Variants in AP3B1 observed in about 807,000 individuals in gnomAD.
The protein encoded by AP3B1 is AP-3 complex subunit beta-1.
In AP3B1, 61 loss-of-function variants were observed where a neutral mutation model predicts 132.5. The observed-to-expected ratio is 0.46, with a 90% CI of 0.37 to 0.57. The LOEUF (loss-of-function observed/expected upper bound fraction) is 0.57, where lower values mean the gene tolerates loss of function less well. Ranked by LOEUF, AP3B1 falls within the 20% of genes least tolerant of loss-of-function variation. AP3B1 has a pLI of 0.00. For missense variants in AP3B1, 1,120 were observed against 1,289.4 expected (o/e 0.87, Z 2.01); for synonymous variants, 388 against 438.3 (o/e 0.89, Z 1.43).
In AP3B1 at chr5:78,015,439, T is replaced by A; in HGVS notation, c.3102A>T (p.Ala1034=). Residue 1034 remains alanine, a synonymous_variant, in exon 26 of 27, where the codon GCA becomes GCT. Coordinates refer to ENST00000255194, the MANE Select transcript of AP3B1 (RefSeq NM_003664.5). ...GTATATTATCCTGGCCAGAAGGGAC[T>A]GCACCTACATTGGCTACATTTACAA... ...QKVVNVANVG[A]VPSGQDNIHR... 6.2e-7 allele frequency: 1 copy of A among 1,613,916 alleles called. No individual in the cohort carries two copies. The highest frequency in any genetic ancestry group is 8.5e-7 in the Non-Finnish European group (1 of 1,179,846).
At chr5:78,012,011 T>C (rs917744847) in intron 26 of AP3B1, among the ~76,000 whole-genome samples, 1 of 152,040 alleles carries the variant, frequency 6.6e-6, no homozygotes, top group African/African-American at 2.4e-5. Context: ...ATACTTGGTG[T>C]TTTTAAAAAT....
intron 3 of AP3B1, among the ~76,000 whole-genome samples, chr5:78,228,586 C>T (rs993269218): frequency 3.3e-5 from 5 of 152,176 alleles, no homozygotes; most frequent in South Asian, 2.1e-4. Context: ...CCAGGCATGG[C>T]GTACATGCTT....
chr5:78,175,670 A>C lies in AP3B1; in HGVS notation c.1123T>G (p.Phe375Val). 6.2e-7 allele frequency: 1 copy of C among 1,613,536 alleles called. No homozygotes were observed. Among genetic ancestry groups the C allele is most frequent in the Non-Finnish European group, 8.5e-7 (1 of 1,179,644 alleles). ...KGMFEPYLKS[F>V]YVRSTDPTMI... is the part of the protein sequence containing the mutation. ...GTTGGATCAGTTGACCTAACATAGA[A>C]ACTCTTCAGATAAGGTTCAAACATC... The change falls in exon 11 of 27, where the codon TTC (phenylalanine) becomes GTC (valine). Residue 375 changes from phenylalanine (F) to valine (V), a missense_variant. Phe to Val is a conservative substitution (Grantham distance 50, BLOSUM62 -1). This residue lies in a region of AP3B1 where 906 missense variants were observed against 997.1 expected (regional missense o/e 0.91). Transcript: ENST00000255194.
chr5:78,145,158 T>C (rs76232347), intron 14 of AP3B1, among the ~76,000 whole-genome samples: 100 of 152,378 alleles, frequency 6.6e-4, no homozygotes, highest in African/African-American at 2.4e-3. Flanking sequence ...AAAATACATT[T>C]AAACTTTAGT....
intron 2 of AP3B1, among the ~76,000 whole-genome samples, chr5:78,252,318 G>A (rs1747672887): frequency 6.6e-6 from 1 of 152,062 alleles, no homozygotes; most frequent in African/African-American, 2.4e-5. Flanking sequence ...AAAGTAAAAG[G>A]GGCTCTGCCT....
At chr5:78,120,137 T>C (rs1752098507) in intron 17 of AP3B1, among the ~76,000 whole-genome samples, 1 of 152,122 alleles carries the variant, frequency 6.6e-6, no homozygotes, top group Non-Finnish European at 1.5e-5. Flanking sequence ...GACAAGCAAA[T>C]GCTGAGAGAG....
At chr5:78,130,228 T>C (rs943001773) in intron 15 of AP3B1, among the ~76,000 whole-genome samples, 1 of 152,038 alleles carries the variant, frequency 6.6e-6, no homozygotes, top group African/African-American at 2.4e-5. Flanking sequence ...ATAAGCCAAA[T>C]AGAATTCATA....
intron 22 of AP3B1, chr5:78,044,284 C>T (rs1748226498): frequency 1.3e-5 from 2 of 152,470 alleles, no homozygotes; most frequent in Admixed American, 1.3e-4. Context: ...TTCTTTTTTG[C>T]CATAAATTCC....
intron 22 of AP3B1, among the ~76,000 whole-genome samples, chr5:78,061,100 G>A (rs188335633): frequency 3.1e-4 from 47 of 151,812 alleles, no homozygotes; most frequent in Admixed American, 3.9e-4. Context: ...GCACACCGCT[G>A]GGTCTCAGAA....
chr5:78,151,755 G>A (rs956040176), intron 14 of AP3B1, among the ~76,000 whole-genome samples: 37 of 151,976 alleles, frequency 2.4e-4, no homozygotes, highest in African/African-American at 8.9e-4. Context: ...CAGTTTAGCA[G>A]TATTTTGTTG....
At chr5:78,080,454 T>C (rs1749943308) in intron 22 of AP3B1, among the ~76,000 whole-genome samples, 2 of 130,058 alleles carry the variant, frequency 1.5e-5, no homozygotes, top group Admixed American at 1.5e-4. Flanking sequence ...TCCAATTTTC[T>C]TTTTTTTTTT....
intron 17 of AP3B1, among the ~76,000 whole-genome samples, chr5:78,117,577 T>G (rs946319539): frequency 1.3e-5 from 2 of 152,202 alleles, no homozygotes; most frequent in African/African-American, 4.8e-5. Context: ...CCCAAAGTGC[T>G]GGGATTACAG....
intron 8 of AP3B1, among the ~76,000 whole-genome samples, chr5:78,179,481 T>A (rs1163931530): frequency 1.3e-5 from 2 of 152,228 alleles, no homozygotes; most frequent in African/African-American, 4.8e-5. Context: ...ATTTGAAATG[T>A]ATAGGCTAAT....
chr5:78,165,694 G>C (rs1392561673), intron 11 of AP3B1, 22 bp from the exon 12 acceptor site: 1 of 1,528,634 alleles, frequency 6.5e-7, no homozygotes, highest in Non-Finnish European at 9.0e-7. Context: ...AAAAGAGAAA[G>C]TAAACATTTT....
intron 7 of AP3B1, among the ~76,000 whole-genome samples, chr5:78,191,734 C>CTGT (rs1744842049): frequency 6.6e-6 from 1 of 152,122 alleles, no homozygotes; most frequent in African/African-American, 2.4e-5. Flanking sequence ...GGTAAGGATA[C>CTGT]TGTTTCCTTC....
intron 7 of AP3B1, among the ~76,000 whole-genome samples, chr5:78,212,982 A>G (rs1745808066): frequency 6.6e-6 from 1 of 151,952 alleles, no homozygotes; most frequent in South Asian, 2.1e-4. Flanking sequence ...GGTTCATGCC[A>G]TTCTCCTGCC....
intron 3 of AP3B1, among the ~76,000 whole-genome samples, chr5:78,236,803 T>C (rs1044726010): frequency 6.6e-6 from 1 of 152,178 alleles, no homozygotes; most frequent in Non-Finnish European, 1.5e-5. Context: ...TAAATGTTTA[T>C]TTTTTCCAGA....
chr5:78,136,417 C>T (rs915706371), intron 15 of AP3B1, among the ~76,000 whole-genome samples: 3 of 152,040 alleles, frequency 2.0e-5, no homozygotes, highest in African/African-American at 7.2e-5. Flanking sequence ...ATTTCTTCTG[C>T]AAGAAATACT....
chr5:78,200,883 C>A (rs188173713), intron 7 of AP3B1, among the ~76,000 whole-genome samples: 1 of 152,018 alleles, frequency 6.6e-6, no homozygotes, highest in Non-Finnish European at 1.5e-5. Flanking sequence ...TATGTTGAAG[C>A]CTTAACCTCC....
Sources: allele counts gnomAD v4.1 joint callset (sites outside exome capture counted in the v4.1 genomes callset), GRCh38; gene constraint gnomAD v4.1.1; regional missense constraint gnomAD v4.1.1; transcripts MANE v1.5; gene names NCBI Gene and HGNC (gene_info 2026-07-23, HGNC 2026-07-21).